Variants in SKAP2 observed in about 807,000 individuals in gnomAD.
SKAP2 encodes src kinase-associated phosphoprotein 2.
In SKAP2, 28 loss-of-function variants were observed where a neutral mutation model predicts 54.9. The observed-to-expected ratio is 0.51, with a 90% confidence interval of 0.38 to 0.70. SKAP2 has a LOEUF of 0.70. Ranked by LOEUF, SKAP2 falls within the 30% of genes least tolerant of loss-of-function variation. The probability of loss-of-function intolerance (pLI) is 0.00; values close to 1 mark genes in which losing one functional copy is unlikely to be tolerated. For missense variants in SKAP2, 356 were observed against 424.1 expected, an observed-to-expected ratio of 0.84 and a Z score of 1.41; for synonymous variants, 137 against 134.3, an observed-to-expected ratio of 1.02 and a Z score of -0.14.
chr7:26,857,437 A>C (rs1785193830), intron 1 of SKAP2: 1 of 984,240 alleles, frequency 1.0e-6, no homozygotes, highest in African/African-American at 1.8e-5. Flanking sequence ...TATTTCTTAA[A>C]ATCTACACTT....
intron 4 of SKAP2, among the ~76,000 whole-genome samples, chr7:26,762,641 T>A (rs938923234): frequency 6.6e-6 from 1 of 151,444 alleles, no homozygotes; most frequent in Non-Finnish European, 1.5e-5. Flanking sequence ...ATCGAGACCA[T>A]CCTGGCTAAG....
rs1237087806 is a variant in SKAP2 at position 26,771,451 on chromosome 7, TTATAG to T, written c.308-31492_308-31488del. ...GGGGATGTAACTGATATTCACAAAG[TTATAG>T]TGAACTTGTGATACCAGTGGATAGG... On this transcript the variant is annotated intron_variant, in intron 4 of 12. Coordinates refer to ENST00000345317, the MANE Select transcript of SKAP2 (RefSeq NM_003930.5). Among the ~76,000 whole-genome samples, 5 of 152,302 alleles carry T rather than the reference TTATAG, an allele frequency of 3.3e-5. No individual in the cohort carries two copies. The East Asian group carries it at 9.6e-4, about 29-fold the overall frequency.
At position 26,725,357 on chromosome 7, in the gene SKAP2, AACACACACACACACTC is replaced by A. The variant is rs1787677900; in HGVS notation, c.796+55_796+70del. ...CTGTCGAGGACAAATCACACACACA[AACACACACACACACTC>A]ACACACACACACACAGCCCTAAAAT... On this transcript the variant is annotated intron_variant, in intron 9 of 12. Transcript: ENST00000345317. 3.1e-5 allele frequency: 35 copies of A among 1,115,506 alleles called. No individual in the cohort carries two copies. The South Asian group carries it at 4.8e-4, about 15-fold the overall frequency. 69.1% of individuals were successfully genotyped at this position (1,115,506 alleles called of 1,614,324 possible).
intron 6 of SKAP2, among the ~76,000 whole-genome samples, chr7:26,727,529 A>C (rs939645814): frequency 2.0e-5 from 3 of 152,118 alleles, no homozygotes; most frequent in Non-Finnish European, 4.4e-5. Flanking sequence ...AAACTAAACT[A>C]AACTACTCAT....
At chr7:26,857,000 A>G (rs1412502908) in intron 1 of SKAP2, among the ~76,000 whole-genome samples, 4 of 151,462 alleles carry the variant, frequency 2.6e-5, no homozygotes, top group Non-Finnish European at 5.9e-5. Flanking sequence ...TGCAATAAAC[A>G]CTCTACATAG....
chr7:26,765,641 T>G (rs1230321790), intron 4 of SKAP2, among the ~76,000 whole-genome samples: 1 of 152,250 alleles, frequency 6.6e-6, no homozygotes, highest in Non-Finnish European at 1.5e-5. Context: ...GGGTTAATTT[T>G]TGTATAATGT....
At chr7:26,785,183 CAG>C (rs1445083683) in intron 4 of SKAP2, among the ~76,000 whole-genome samples, 3 of 151,766 alleles carry the variant, frequency 2.0e-5, no homozygotes, top group Admixed American at 2.0e-4. Context: ...TGTGAGGAAA[CAG>C]AGTGTTTTTT....
At chr7:26,718,024 T>C (rs1188566611) in intron 9 of SKAP2, among the ~76,000 whole-genome samples, 1 of 151,548 alleles carries the variant, frequency 6.6e-6, no homozygotes, top group Admixed American at 6.6e-5. Context: ...TATATATATA[T>C]ACATACATAC....
chr7:26,663,173 C>G (rs939247862), downstream of SKAP2, among the ~76,000 whole-genome samples: 5 of 152,016 alleles, frequency 3.3e-5, no homozygotes, highest in African/African-American at 9.7e-5. Context: ...AATCAAATAC[C>G]CTTTGAAAAT....
intron 9 of SKAP2, among the ~76,000 whole-genome samples, chr7:26,718,753 C>A (rs1248432091): frequency 6.6e-6 from 1 of 152,188 alleles, no homozygotes; most frequent in Non-Finnish European, 1.5e-5. Context: ...ATCTGCCCAC[C>A]TCGGCCTCCC....
the SKAP2 span, among the ~76,000 whole-genome samples, chr7:26,657,901 G>A: frequency 6.6e-6 from 1 of 151,978 alleles, no homozygotes; most frequent in Non-Finnish European, 1.5e-5. Flanking sequence ...TTTGTATGCT[G>A]CATACCAATT....
At position 26,841,050 on chromosome 7, in the gene SKAP2, C is replaced by T. The variant is rs756175966; in HGVS notation, c.307+2980G>A. ...CTAGTAATCAATAAGGTACTTTTTTCCAATGTACAACTCAAAAATCAATTA... is the reference window on the plus strand; with the variant it reads ...CTAGTAATCAATAAGGTACTTTTTTTCAATGTACAACTCAAAAATCAATTA... On this transcript the variant is annotated intron_variant, in intron 4 of 12. Coordinates refer to ENST00000345317, the MANE Select transcript of SKAP2 (RefSeq NM_003930.5). Among the ~76,000 whole-genome samples, 251 of 151,970 alleles carry T rather than the reference C, an allele frequency of 1.7e-3. 2 individuals carry two copies. Among genetic ancestry groups the T allele is most frequent in the Middle Eastern group, 0.01 (3 of 294 alleles).
intron 4 of SKAP2, among the ~76,000 whole-genome samples, chr7:26,823,042 T>C (rs1367465062): frequency 3.3e-5 from 5 of 152,164 alleles, no homozygotes; most frequent in Non-Finnish European, 7.3e-5. Context: ...GAAGGCCTCT[T>C]GTGCCAAACA....
intron 4 of SKAP2, among the ~76,000 whole-genome samples, chr7:26,804,712 C>T (rs1320197085): frequency 6.8e-6 from 1 of 146,902 alleles, no homozygotes; most frequent in East Asian, 2.0e-4. Context: ...GCACTCCAGC[C>T]TGGGTGACAG....
At chr7:26,824,660 G>C (rs753033010) in intron 4 of SKAP2, among the ~76,000 whole-genome samples, 7 of 152,192 alleles carry the variant, frequency 4.6e-5, no homozygotes, top group Non-Finnish European at 7.4e-5. Flanking sequence ...TGTCAGACTA[G>C]AAATATTCCA....
intron 9 of SKAP2, among the ~76,000 whole-genome samples, chr7:26,703,199 A>G (rs1264080988): frequency 1.3e-5 from 2 of 152,228 alleles, no homozygotes; most frequent in African/African-American, 2.4e-5. Context: ...TGGGCCACAC[A>G]TAAGATAAAC....
At chr7:26,864,141 G>A (rs529372071) in intron 1 of SKAP2, among the ~76,000 whole-genome samples, 7 of 121,562 alleles carry the variant, frequency 5.8e-5, no homozygotes, top group African/African-American at 2.2e-4. Context: ...TCACCAAAAA[G>A]GGCTTCGCCA....
the SKAP2 span, among the ~76,000 whole-genome samples, chr7:26,655,691 T>C: frequency 1.3e-5 from 2 of 152,242 alleles, no homozygotes; most frequent in Admixed American, 1.3e-4. Context: ...GTACTCCTTG[T>C]AATGCTGAGA....
chr7:26,759,316 C>A (rs1782872754), intron 4 of SKAP2, among the ~76,000 whole-genome samples: 1 of 152,180 alleles, frequency 6.6e-6, no homozygotes, highest in South Asian at 2.1e-4. Flanking sequence ...GCGCACTACA[C>A]AGCAACCGCA....
Sources: gnomAD v4.1 joint callset for allele counts (sites outside exome capture counted in the v4.1 genomes callset) on GRCh38, gnomAD v4.1.1 for gene constraint, MANE v1.5 for transcripts, NCBI Gene and HGNC (gene_info 2026-07-23, HGNC 2026-07-21) for gene names.